Variants in EVC2 observed in about 807,000 individuals in gnomAD.
The protein encoded by EVC2 is EvC ciliary complex subunit 2, also known as limbin.
A neutral mutation model predicts 149.3 loss-of-function variants in EVC2; 148 were observed. That is an observed-to-expected ratio of 0.99 (90% CI 0.87 to 1.14). The LOEUF (loss-of-function observed/expected upper bound fraction) is 1.14. Among genes scored for constraint, EVC2 ranks in the 50% most tolerant of loss-of-function variants. The probability of loss-of-function intolerance (pLI) is 0.00; values close to 1 mark genes in which losing one functional copy is unlikely to be tolerated. For missense variants in EVC2, 1,854 were observed against 1,627.3 expected (o/e 1.14, Z -2.40); for synonymous variants, 776 against 649.9 (o/e 1.19, Z -2.95).
intron 16 of EVC2, among the ~76,000 whole-genome samples, chr4:5,585,500 T>G (rs1014190638): frequency 1.3e-5 from 2 of 152,208 alleles, no homozygotes; most frequent in Admixed American, 1.3e-4. Flanking sequence ...CTCAGGCAAA[T>G]CATTAAGCTC....
chr4:5,672,526 C>T (rs551049815), intron 7 of EVC2, among the ~76,000 whole-genome samples: 1 of 152,292 alleles, frequency 6.6e-6, no homozygotes, highest in East Asian at 1.9e-4. Context: ...GACACGCCAG[C>T]AAGGACCGTG....
At chr4:5,601,331 T>C (rs980034586) in intron 16 of EVC2, among the ~76,000 whole-genome samples, 11 of 152,144 alleles carry the variant, frequency 7.2e-5, no homozygotes, top group African/African-American at 1.4e-4. Flanking sequence ...TAACAAGTTA[T>C]AGCAGCCTCA....
rs1716892988 is a variant in EVC2, at chr4:5,636,395, A to G, written c.1470+4119T>C. 6.6e-6 allele frequency among the ~76,000 whole-genome samples: 1 copy of G among 152,226 alleles called. No individual in the cohort carries two copies. Among genetic ancestry groups the G allele is most frequent in the African/African-American group, 2.4e-5 (1 of 41,456 alleles). ...TGCATCCATAAATATAACCACCTGC[A>G]GGTCAAAAATTTCTGTGTGTATTGA... is the stretch of plus-strand genomic sequence containing the variant. On this transcript the variant is annotated intron_variant, in intron 10 of 21. Transcript: ENST00000344408. This position sits in a 1 kb window ranked among gnomAD's most constrained non-coding sequence, Gnocchi z 4.6.
chr4:5,594,462 G>A (rs1382849386), intron 16 of EVC2, among the ~76,000 whole-genome samples: 1 of 152,192 alleles, frequency 6.6e-6, no homozygotes. Flanking sequence ...CAGGTAAACA[G>A]CGTCTGGAGT....
chr4:5,532,318 A>C, the EVC2 span, among the ~76,000 whole-genome samples: 1 of 152,142 alleles, frequency 6.6e-6, no homozygotes, highest in Non-Finnish European at 1.5e-5. Context: ...GCCCACCCAC[A>C]TTATGGAGGG....
At position 5,657,164 on chromosome 4, in the gene EVC2, T is replaced by C. The variant is rs6829204; in HGVS notation, c.1145+5943A>G. ...ACCAGCCTCACACGGGCACTCCATGTTGCTCAGCAAGTCTGGGTTTCTCTA... is the reference window on the plus strand; with the variant it reads ...ACCAGCCTCACACGGGCACTCCATGCTGCTCAGCAAGTCTGGGTTTCTCTA... On this transcript the variant is annotated intron_variant, in intron 9 of 21. Coordinates refer to ENST00000344408, the MANE Select transcript of EVC2 (RefSeq NM_147127.5). This position sits in a 1 kb window ranked among gnomAD's most constrained non-coding sequence, Gnocchi z 4.7. Among the ~76,000 whole-genome samples the C allele has an allele frequency of 0.84, 127,582 of 152,084 alleles. 53,904 individuals carry two copies. The highest frequency in any genetic ancestry group is 0.92 in the African/African-American group (38,137 of 41,520).
intron 1 of EVC2, 97 bp from the exon 2 acceptor site, chr4:5,697,744 C>A: frequency 1.9e-6 from 2 of 1,075,792 alleles, no homozygotes; most frequent in Non-Finnish European, 2.7e-6. Context: ...AGAGGACATG[C>A]ACTTTTTTTT....
At chr4:5,570,644 G>T (rs1264011779) in intron 19 of EVC2, among the ~76,000 whole-genome samples, 1 of 152,106 alleles carries the variant, frequency 6.6e-6, no homozygotes, top group Non-Finnish European at 1.5e-5. Context: ...CCCACTGCTG[G>T]GTATATATGC....
downstream of EVC2, among the ~76,000 whole-genome samples, chr4:5,559,065 C>T (rs1721891523): frequency 6.6e-6 from 1 of 152,142 alleles, no homozygotes; most frequent in Non-Finnish European, 1.5e-5. This position sits in a 1 kb window ranked among gnomAD's most constrained non-coding sequence, Gnocchi z 5.0. Flanking sequence ...CAAAAACTAG[C>T]TGGGTGCAGT....
At chr4:5,577,607 A>T (rs1267045891) in intron 17 of EVC2, among the ~76,000 whole-genome samples, 1 of 152,110 alleles carries the variant, frequency 6.6e-6, no homozygotes, top group African/African-American at 2.4e-5. Flanking sequence ...AAAGGGTCTC[A>T]AAGCCCCCTA....
chr4:5,546,632 G>A (rs887134905), intron 21 of EVC2, among the ~76,000 whole-genome samples: 4 of 151,898 alleles, frequency 2.6e-5, no homozygotes, highest in African/African-American at 9.7e-5. Flanking sequence ...GAGTTAGTGG[G>A]TGCAGCACAC....
Position 5,640,832 on chromosome 4 carries a change from C to T in EVC2, c.1152G>A (p.Glu384=). The change falls in exon 10 of 22, where the codon GAG becomes GAA. Residue 384 remains glutamate (E), a synonymous_variant. Coordinates refer to ENST00000344408, the MANE Select transcript of EVC2 (RefSeq NM_147127.5). This position sits in a 1 kb window ranked among gnomAD's most constrained non-coding sequence, Gnocchi z 4.6. ...GSMLQALEEL[E]IATLNRADAD... Reference sequence around the variant, plus strand: ...CATCTGCCCGATTCAGGGTTGCAATCTCCAACCTAGGAAACACAAAAATCA... The same window carrying T: ...CATCTGCCCGATTCAGGGTTGCAATTTCCAACCTAGGAAACACAAAAATCA... The T allele has an allele frequency of 6.2e-7, 1 of 1,614,172 alleles. No individual in the cohort carries two copies. Among genetic ancestry groups the T allele is most frequent in the Non-Finnish European group, 8.5e-7 (1 of 1,180,026 alleles).
At chr4:5,603,857 T>G (rs561883643) in intron 16 of EVC2, among the ~76,000 whole-genome samples, 5 of 152,364 alleles carry the variant, frequency 3.3e-5, no homozygotes. Flanking sequence ...TAAAGACTAT[T>G]TGTGAGAAAT....
At chr4:5,553,442 T>A (rs923512774) in intron 21 of EVC2, among the ~76,000 whole-genome samples, 8 of 152,076 alleles carry the variant, frequency 5.3e-5, no homozygotes, top group Non-Finnish European at 1.2e-4. Flanking sequence ...CCAAACCATA[T>A]CACTGCCTTA....
intron 21 of EVC2, chr4:5,543,293 C>T (rs1039494848): frequency 2.9e-5 from 26 of 889,752 alleles, no homozygotes; most frequent in African/African-American, 1.4e-4. Context: ...CACCCCAAGC[C>T]GGCAGGAGCA....
intron 7 of EVC2, among the ~76,000 whole-genome samples, chr4:5,667,638 G>C (rs1008470365): frequency 1.3e-5 from 2 of 152,146 alleles, no homozygotes; most frequent in African/African-American, 4.8e-5. Context: ...TAAAGCCCAA[G>C]GAAAACCAGG....
Position 5,689,936 on chromosome 4 carries a change from G to A in EVC2, c.520-593C>T, listed in dbSNP as rs1720995414. Reference sequence around the variant, plus strand: ...TCTAATCTTGTCTCCCAGCCCTCCTGCACCAGCTTCTCTCCAGCTCTGCTG... The same window carrying A: ...TCTAATCTTGTCTCCCAGCCCTCCTACACCAGCTTCTCTCCAGCTCTGCTG... On this transcript the variant is annotated intron_variant, in intron 4 of 21. Coordinates refer to ENST00000344408, the MANE Select transcript of EVC2 (RefSeq NM_147127.5). Among the ~76,000 whole-genome samples, 3 of 152,122 alleles carry A rather than the reference G, an allele frequency of 2.0e-5. No homozygotes were observed. The South Asian group carries it at 6.2e-4, about 31-fold the overall frequency.
intron 1 of EVC2, among the ~76,000 whole-genome samples, chr4:5,705,559 ATAAAC>A (rs199595257): frequency 0.013 from 2,015 of 151,800 alleles, 42 homozygotes; most frequent in African/African-American, 0.047. Context: ...TGAAAACTAA[ATAAAC>A]TAAAACTGTT....
rs1722911105 is a variant in EVC2, at chr4:5,576,164, G to A, written c.3272+76C>T. On this transcript the variant is annotated intron_variant, in intron 18 of 21. Coordinates refer to ENST00000344408, the MANE Select transcript of EVC2 (RefSeq NM_147127.5). This position sits in a 1 kb window ranked among gnomAD's most constrained non-coding sequence, Gnocchi z 4.5. ...TGAGAGCCCAGGTGGGTATGGGTGG[G>A]CTGAGTTGGAGATGCCAGGTTCTCC... is the stretch of plus-strand genomic sequence containing the variant. 2 of 1,611,344 alleles carry A rather than the reference G, an allele frequency of 1.2e-6. No individual in the cohort carries two copies. The highest frequency in any genetic ancestry group is 1.3e-5 in the African/African-American group (1 of 75,044).
Sources: gnomAD v4.1 joint callset for allele counts (sites outside exome capture counted in the v4.1 genomes callset) on GRCh38, gnomAD v4.1.1 for gene constraint, Gnocchi (gnomAD v3.1) non-coding constraint, MANE v1.5 for transcripts, NCBI Gene and HGNC (gene_info 2026-07-23, HGNC 2026-07-21) for gene names.